FAM171A1: variants seen among roughly 807,000 people sequenced by gnomAD.
FAM171A1 encodes the protein protein FAM171A1.
FAM171A1 carries 23 observed loss-of-function variants against 74.9 expected under a neutral mutation model. The ratio of observed to expected loss-of-function variants is 0.31; its 90% CI spans 0.22 to 0.44. The LOEUF is 0.44. Ranked by LOEUF, FAM171A1 falls within the 20% of genes least tolerant of loss-of-function variation. FAM171A1 has a pLI of 1.00. For missense variants in FAM171A1, 1,162 were observed against 1,159.2 expected (o/e 1.00, Z -0.03); for synonymous variants, 527 against 505.7 (o/e 1.04, Z -0.57).
intron 1 of FAM171A1, among the ~76,000 whole-genome samples, chr10:15,302,980 G>T (rs10796275): frequency 6.6e-6 from 1 of 152,126 alleles, no homozygotes; most frequent in South Asian, 2.1e-4. Context: ...CCTGAGGTCA[G>T]GAGTTTGAGA....
intron 5 of FAM171A1, among the ~76,000 whole-genome samples, chr10:15,229,103 A>C (rs1277554817): frequency 1.3e-5 from 2 of 152,230 alleles, no homozygotes; most frequent in Non-Finnish European, 2.9e-5. Flanking sequence ...AGTTCTATCA[A>C]TGAAGACGTG....
chr10:15,255,194 A>G (rs1279461184), intron 3 of FAM171A1, among the ~76,000 whole-genome samples: 1 of 152,192 alleles, frequency 6.6e-6, no homozygotes, highest in Non-Finnish European at 1.5e-5. Flanking sequence ...TCTGGGTAGC[A>G]TTTTGGGAAA....
chr10:15,316,240 G>A (rs571705834), intron 1 of FAM171A1, among the ~76,000 whole-genome samples: 2 of 152,324 alleles, frequency 1.3e-5, no homozygotes, highest in Admixed American at 6.5e-5. Flanking sequence ...TTGAATGACT[G>A]GGATTTCTGG....
Position 15,214,543 on chromosome 10 carries a change from C to T in FAM171A1, c.1045G>A (p.Glu349Lys). Residue 349 changes from glutamate (E) to lysine (K), a missense_variant, in exon 8 of 8, where the codon GAG becomes AAG. Transcript: ENST00000378116. ...HRKLQLPAGL[E>K]SSKRDQSTSM... ...GTGGACTGGTCTCTTTTGGAACTCT[C>T]CAGTCCTGCAGGGAGCTGCAGTTTT... 1 of 1,614,070 alleles carries T rather than the reference C, an allele frequency of 6.2e-7. No homozygotes were observed. The highest frequency in any genetic ancestry group is 1.3e-5 in the African/African-American group (1 of 75,052).
At chr10:15,316,229 T>C (rs975311068) in intron 1 of FAM171A1, among the ~76,000 whole-genome samples, 1 of 152,226 alleles carries the variant, frequency 6.6e-6, no homozygotes. Context: ...GTTTATCTTA[T>C]TTGAATGACT....
At position 15,229,352 on chromosome 10, in the gene FAM171A1, G is replaced by A. The variant is rs575841950; in HGVS notation, c.755-8292C>T. Among the ~76,000 whole-genome samples, 7 of 152,164 alleles carry A rather than the reference G, an allele frequency of 4.6e-5. No homozygotes were observed. In the South Asian group the frequency reaches 8.3e-4, roughly 18 times the overall value. On this transcript the variant is annotated intron_variant, in intron 5 of 7. Transcript: ENST00000378116. ...GCATGGAGTGAGCACTAGCTCGTTT[G>A]AGGAATAATCTTCTTAAGAGGTATG...
chr10:15,321,434 G>A (rs1835485473), intron 1 of FAM171A1, among the ~76,000 whole-genome samples: 1 of 152,186 alleles, frequency 6.6e-6, no homozygotes, highest in Admixed American at 6.5e-5. Flanking sequence ...GAAGTCCACA[G>A]TGTCAAAACA....
intron 1 of FAM171A1, among the ~76,000 whole-genome samples, chr10:15,359,560 G>A (rs1343621636): frequency 6.6e-6 from 1 of 152,200 alleles, no homozygotes; most frequent in Non-Finnish European, 1.5e-5. Flanking sequence ...CAGGCGGAAT[G>A]AGTCCTCCAA....
At chr10:15,369,425 C>A (rs1295962324) in intron 1 of FAM171A1, among the ~76,000 whole-genome samples, 2 of 152,160 alleles carry the variant, frequency 1.3e-5, no homozygotes, top group East Asian at 3.9e-4. Context: ...AGCTGCAATG[C>A]AACACTGATG....
At chr10:15,339,838 T>C (rs1427592015) in intron 1 of FAM171A1, among the ~76,000 whole-genome samples, 2 of 152,182 alleles carry the variant, frequency 1.3e-5, no homozygotes, top group African/African-American at 4.8e-5. Flanking sequence ...CACAGTTCCG[T>C]GTGGCTCGGG....
At chr10:15,344,478 C>T (rs1835797877) in intron 1 of FAM171A1, among the ~76,000 whole-genome samples, 1 of 152,118 alleles carries the variant, frequency 6.6e-6, no homozygotes, top group African/African-American at 2.4e-5. Flanking sequence ...GAGCCCAGGT[C>T]AAGGCTGCAG....
chr10:15,370,911 G>A, intron 1 of FAM171A1, 45 bp downstream of exon 1: 1 of 951,730 alleles, frequency 1.1e-6, no homozygotes, highest in Non-Finnish European at 1.3e-6. Flanking sequence ...TCCGCGCCAG[G>A]CCCGGCGCGA....
intron 1 of FAM171A1, among the ~76,000 whole-genome samples, chr10:15,356,265 C>T (rs1835931273): frequency 6.6e-6 from 1 of 150,706 alleles, no homozygotes; most frequent in African/African-American, 2.4e-5. Flanking sequence ...TATAAATCTG[C>T]CCTCAAAATG....
intron 1 of FAM171A1, among the ~76,000 whole-genome samples, chr10:15,319,215 CT>C (rs2131845905): frequency 6.6e-6 from 1 of 152,290 alleles, no homozygotes; most frequent in South Asian, 2.1e-4. Flanking sequence ...ATGTCTACCT[CT>C]TTTTCCATCA....
intron 1 of FAM171A1, among the ~76,000 whole-genome samples, chr10:15,300,182 G>A (rs1588541062): frequency 6.6e-6 from 1 of 152,308 alleles, no homozygotes; most frequent in Middle Eastern, 3.4e-3. Flanking sequence ...ACAAGCTACA[G>A]TGAAGCTATT....
At chr10:15,270,447 G>C (rs1022509584) in intron 3 of FAM171A1, among the ~76,000 whole-genome samples, 5 of 152,216 alleles carry the variant, frequency 3.3e-5, no homozygotes, top group Non-Finnish European at 5.9e-5. Context: ...CTCCACCTCT[G>C]GGGGCAGGGC....
intron 5 of FAM171A1, among the ~76,000 whole-genome samples, chr10:15,228,824 G>A (rs558227750): frequency 1.6e-4 from 25 of 152,306 alleles, no homozygotes; most frequent in African/African-American, 5.5e-4. Flanking sequence ...AGGACATGCT[G>A]AGGATGACAC....
At chr10:15,287,384 G>A (rs1373549846) in intron 1 of FAM171A1, among the ~76,000 whole-genome samples, 8 of 147,912 alleles carry the variant, frequency 5.4e-5, no homozygotes, top group Middle Eastern at 3.7e-3. Flanking sequence ...GACCCACCGC[G>A]CCGGCCTCTT....
At chr10:15,313,886 C>T (rs1416344206) in intron 1 of FAM171A1, among the ~76,000 whole-genome samples, 2 of 152,248 alleles carry the variant, frequency 1.3e-5, no homozygotes, top group Non-Finnish European at 2.9e-5. Context: ...GATCTGTTTC[C>T]TGCCAGGACA....
Sources: gnomAD v4.1 joint callset for allele counts (sites outside exome capture counted in the v4.1 genomes callset) on GRCh38, gnomAD v4.1.1 for gene constraint, MANE v1.5 for transcripts, NCBI Gene and HGNC (gene_info 2026-07-23, HGNC 2026-07-21) for gene names.